Variants in ADAMTS3 observed in about 807,000 individuals in gnomAD.
ADAMTS3 encodes the protein ADAM metallopeptidase with thrombospondin type 1 motif 3, also known as A disintegrin and metalloproteinase with thrombospondin motifs 3.
A neutral mutation model predicts 129.0 loss-of-function variants in ADAMTS3; 73 were observed. That is an observed-to-expected ratio of 0.57 (90% CI 0.47 to 0.69). The LOEUF (loss-of-function observed/expected upper bound fraction) is 0.69, where lower values mean the gene tolerates loss of function less well. Ranked by LOEUF, ADAMTS3 falls within the 30% of genes least tolerant of loss-of-function variation. ADAMTS3 has a pLI of 0.00. For missense variants in ADAMTS3, 1,457 were observed against 1,514.5 expected, an observed-to-expected ratio of 0.96 and a Z score of 0.63; for synonymous variants, 477 against 510.8, an observed-to-expected ratio of 0.93 and a Z score of 0.89.
chr4:72,546,363 C>G (rs1448977323), intron 3 of ADAMTS3, among the ~76,000 whole-genome samples: 1 of 151,982 alleles, frequency 6.6e-6, no homozygotes, highest in Non-Finnish European at 1.5e-5. Flanking sequence ...GTGTTTTGAC[C>G]AGACCTTTCC....
chr4:72,557,140 C>T (rs1412462272), intron 2 of ADAMTS3, among the ~76,000 whole-genome samples: 1 of 151,822 alleles, frequency 6.6e-6, no homozygotes, highest in Non-Finnish European at 1.5e-5. Flanking sequence ...ATAATCTGGC[C>T]TCAAGAATGA....
Position 72,323,100 on chromosome 4 carries a change from A to G in ADAMTS3, c.862-3T>C. 6.2e-7 allele frequency: 1 copy of G among 1,609,768 alleles called. No homozygotes were observed. The highest frequency in any genetic ancestry group is 8.5e-7 in the Non-Finnish European group (1 of 1,176,358). On this transcript the variant is annotated splice_region_variant and splice_polypyrimidine_tract_variant and intron_variant, in intron 5 of 21. Coordinates refer to ENST00000286657, the MANE Select transcript of ADAMTS3 (RefSeq NM_014243.3). ...TCATCATGGTAAATTTCATTCACCTAGCAACAAAAAAAGATAATTGCTAAA... is the reference window on the plus strand; with the variant it reads ...TCATCATGGTAAATTTCATTCACCTGGCAACAAAAAAAGATAATTGCTAAA...
intron 5 of ADAMTS3, chr4:72,330,468 T>C (rs1719816336): frequency 6.6e-6 from 1 of 152,224 alleles, no homozygotes; most frequent in Admixed American, 6.5e-5. Context: ...GTTTTTCTTT[T>C]CTAAATATTT....
chr4:72,385,190 A>AG (rs1721414776), intron 4 of ADAMTS3, among the ~76,000 whole-genome samples: 8 of 151,872 alleles, frequency 5.3e-5, no homozygotes, highest in Admixed American at 5.2e-4. Context: ...AAAAAAAAAA[A>AG]GAAAAGAAAA....
chr4:72,532,897 A>G, intron 3 of ADAMTS3, among the ~76,000 whole-genome samples: 1 of 152,202 alleles, frequency 6.6e-6, no homozygotes, highest in East Asian at 1.9e-4. Context: ...TGGAGCTTGC[A>G]GGACTGGAAG....
intron 3 of ADAMTS3, among the ~76,000 whole-genome samples, chr4:72,533,209 T>C (rs964091437): frequency 6.6e-6 from 1 of 152,166 alleles, no homozygotes; most frequent in Non-Finnish European, 1.5e-5. Flanking sequence ...ATTAAAAAAA[T>C]TGTTTTTGGT....
intron 2 of ADAMTS3, among the ~76,000 whole-genome samples, chr4:72,560,809 C>A (rs189194680): frequency 6.6e-6 from 1 of 152,214 alleles, no homozygotes; most frequent in East Asian, 1.9e-4. Flanking sequence ...ATGTAACAAA[C>A]CTGCATGTCC....
intron 3 of ADAMTS3, among the ~76,000 whole-genome samples, chr4:72,503,287 C>T (rs1720074983): frequency 6.6e-6 from 1 of 152,152 alleles, no homozygotes; most frequent in Non-Finnish European, 1.5e-5. Flanking sequence ...TCCCAAAGTG[C>T]TGGGATTATA....
At chr4:72,418,594 G>C (rs1391376652) in intron 3 of ADAMTS3, among the ~76,000 whole-genome samples, 1 of 152,172 alleles carries the variant, frequency 6.6e-6, no homozygotes, top group Non-Finnish European at 1.5e-5. Flanking sequence ...TTATGAGCTA[G>C]CCCTACTCAT....
chr4:72,484,081 T>C (rs78207077), intron 3 of ADAMTS3, among the ~76,000 whole-genome samples: 6,924 of 152,248 alleles, frequency 0.045, 187 homozygotes, highest in African/African-American at 0.059. Context: ...CTCCATTTAT[T>C]CTCAAACAGC....
intron 3 of ADAMTS3, among the ~76,000 whole-genome samples, chr4:72,431,067 G>A (rs1229009115): frequency 6.6e-6 from 1 of 151,754 alleles, no homozygotes; most frequent in Non-Finnish European, 1.5e-5. Context: ...AACAACCATG[G>A]AGCAAAACAG....
intron 4 of ADAMTS3, among the ~76,000 whole-genome samples, chr4:72,360,535 G>GTTTT (rs10650390): frequency 0.015 from 2,231 of 151,382 alleles, 69 homozygotes; most frequent in African/African-American, 0.051. Context: ...GTAATGAATG[G>GTTTT]TTTTTTTTGA....
At chr4:72,479,047 T>C (rs1347273507) in intron 3 of ADAMTS3, among the ~76,000 whole-genome samples, 13 of 151,988 alleles carry the variant, frequency 8.6e-5, no homozygotes, top group Non-Finnish European at 1.5e-4. Flanking sequence ...TAAAAGAGGA[T>C]ACAAACAAAT....
chr4:72,540,813 G>A (rs1043515124), intron 3 of ADAMTS3, among the ~76,000 whole-genome samples: 10 of 152,188 alleles, frequency 6.6e-5, no homozygotes, highest in Non-Finnish European at 8.8e-5. Context: ...AAGTACTGAC[G>A]TTTGAGAACC....
chr4:72,409,120 G>T (rs1393557751), intron 4 of ADAMTS3, among the ~76,000 whole-genome samples: 1 of 152,040 alleles, frequency 6.6e-6, no homozygotes, highest in Non-Finnish European at 1.5e-5. Flanking sequence ...GGCACGCTTG[G>T]CATGAGCAGA....
At chr4:72,291,086 T>C (rs750410842) in intron 19 of ADAMTS3, 24 bp from the exon 20 acceptor site, 22 of 1,612,344 alleles carry the variant, frequency 1.4e-5, no homozygotes, top group Non-Finnish European at 1.9e-5. Context: ...GATTTAATAT[T>C]GCAATTATCA....
At chr4:72,363,740 A>T (rs569919916) in intron 4 of ADAMTS3, among the ~76,000 whole-genome samples, 7 of 151,900 alleles carry the variant, frequency 4.6e-5, no homozygotes, top group Admixed American at 1.3e-4. Flanking sequence ...CAAACGTTAT[A>T]AAAAAAATAC....
chr4:72,429,594 AGTGAC>A (rs1313983843), intron 3 of ADAMTS3, among the ~76,000 whole-genome samples: 3 of 152,230 alleles, frequency 2.0e-5, no homozygotes, highest in African/African-American at 7.2e-5. Flanking sequence ...TAAGGAGATT[AGTGAC>A]TGATAACTAT....
At chr4:72,564,955 A>G (rs1362379516) in intron 2 of ADAMTS3, among the ~76,000 whole-genome samples, 2 of 152,178 alleles carry the variant, frequency 1.3e-5, no homozygotes, top group Non-Finnish European at 2.9e-5. Flanking sequence ...GTCACCTTTC[A>G]TAACGGGAGA....
Sources: gnomAD v4.1 joint callset for allele counts (sites outside exome capture counted in the v4.1 genomes callset) on GRCh38, gnomAD v4.1.1 for gene constraint, MANE v1.5 for transcripts, NCBI Gene and HGNC (gene_info 2026-07-23, HGNC 2026-07-21) for gene names.